Variants in ADGRB3 observed in about 807,000 individuals in gnomAD.
ADGRB3 encodes the protein brain-specific angiogenesis inhibitor 3.
Under a neutral mutation model 193.4 loss-of-function variants are expected in ADGRB3, and 37 were observed. The ratio of observed to expected loss-of-function variants is 0.19; its 90% confidence interval spans 0.15 to 0.25. The LOEUF (loss-of-function observed/expected upper bound fraction) is 0.25. Among genes scored for constraint, ADGRB3 ranks in the 10% least tolerant of loss-of-function variants. The probability of loss-of-function intolerance (pLI) is 1.00; values close to 1 mark genes in which losing one functional copy is unlikely to be tolerated. For missense variants in ADGRB3, 1,637 were observed against 1,852.9 expected, an observed-to-expected ratio of 0.88 and a Z score of 2.14; for synonymous variants, 690 against 644.2, an observed-to-expected ratio of 1.07 and a Z score of -1.08.
chr6:68,910,244 G>A (rs1480543975), intron 3 of ADGRB3, among the ~76,000 whole-genome samples: 2 of 152,114 alleles, frequency 1.3e-5, no homozygotes, highest in African/African-American at 2.4e-5. Flanking sequence ...CCCATTTGTC[G>A]ATGGGGTTGT....
intron 8 of ADGRB3, among the ~76,000 whole-genome samples, chr6:68,958,340 G>A (rs571036461): frequency 1.3e-5 from 2 of 152,180 alleles, no homozygotes; most frequent in Non-Finnish European, 1.5e-5. Context: ...CCAGTGCTGC[G>A]TAAGAAGAAT....
intron 3 of ADGRB3, among the ~76,000 whole-genome samples, chr6:68,772,244 G>A (rs1200533019): frequency 2.0e-5 from 3 of 152,078 alleles, no homozygotes; most frequent in African/African-American, 4.8e-5. Flanking sequence ...TAGGTGATAG[G>A]GATAAAGAAT....
chr6:69,151,887 G>A (rs964567122), intron 17 of ADGRB3, among the ~76,000 whole-genome samples: 2 of 152,094 alleles, frequency 1.3e-5, no homozygotes, highest in Admixed American at 6.5e-5. Flanking sequence ...CCTGGGGGTG[G>A]TTATTCTCAT....
At chr6:68,654,852 AGTC>A (rs1768454650) in intron 3 of ADGRB3, among the ~76,000 whole-genome samples, 1 of 151,820 alleles carries the variant, frequency 6.6e-6, no homozygotes, top group Non-Finnish European at 1.5e-5. Context: ...ATTCACATGA[AGTC>A]TTTGTAATCA....
At chr6:68,818,450 T>C in intron 3 of ADGRB3, among the ~76,000 whole-genome samples, 1 of 151,984 alleles carries the variant, frequency 6.6e-6, no homozygotes, top group East Asian at 1.9e-4. Context: ...TCTGGTGTGA[T>C]ATATGAAAGC....
intron 13 of ADGRB3, among the ~76,000 whole-genome samples, chr6:69,028,101 T>A (rs547701482): frequency 6.6e-6 from 1 of 152,328 alleles, no homozygotes; most frequent in East Asian, 1.9e-4. Context: ...TCTGTCATCA[T>A]CCCACCATAC....
chr6:68,909,955 G>A (rs928896254), intron 3 of ADGRB3, among the ~76,000 whole-genome samples: 1 of 152,160 alleles, frequency 6.6e-6, no homozygotes, highest in South Asian at 2.1e-4. Flanking sequence ...GGTATTTCTA[G>A]TTCTAGATCC....
chr6:68,878,066 G>T (rs1469805683), intron 3 of ADGRB3, among the ~76,000 whole-genome samples: 2 of 151,842 alleles, frequency 1.3e-5, no homozygotes, highest in African/African-American at 4.8e-5. Context: ...AATTCCTGTT[G>T]CTGTATGATT....
chr6:68,746,345 A>G (rs916176714), intron 3 of ADGRB3, among the ~76,000 whole-genome samples: 13 of 151,720 alleles, frequency 8.6e-5, no homozygotes, highest in African/African-American at 3.1e-4. Flanking sequence ...TGTATCCTTA[A>G]TTTACTTATC....
chr6:69,354,645 T>A (rs1435569915), intron 27 of ADGRB3, among the ~76,000 whole-genome samples: 2 of 152,218 alleles, frequency 1.3e-5, no homozygotes. Flanking sequence ...ATCAGAACAC[T>A]ATGAACCTGC....
intron 24 of ADGRB3, 26 bp from the exon 25 acceptor site, chr6:69,338,890 T>A (rs1259553721): frequency 6.3e-7 from 1 of 1,596,918 alleles, no homozygotes; most frequent in Admixed American, 1.8e-5. Context: ...TTTTGTTCTT[T>A]TTGTGGGTGT....
chr6:68,686,949 G>T (rs765774455), intron 3 of ADGRB3, among the ~76,000 whole-genome samples: 2 of 152,018 alleles, frequency 1.3e-5, no homozygotes, highest in Non-Finnish European at 2.9e-5. Flanking sequence ...GCTATTATAT[G>T]AATTTTAAAG....
At chr6:69,256,310 T>A (rs894997637) in intron 20 of ADGRB3, among the ~76,000 whole-genome samples, 4 of 152,078 alleles carry the variant, frequency 2.6e-5, no homozygotes, top group Non-Finnish European at 5.9e-5. Context: ...GCCATTTTCA[T>A]GATATTGATT....
At chr6:68,682,439 T>G (rs1443646982) in intron 3 of ADGRB3, among the ~76,000 whole-genome samples, 2 of 152,240 alleles carry the variant, frequency 1.3e-5, no homozygotes, top group African/African-American at 2.4e-5. Flanking sequence ...TGTAATACTT[T>G]TATTTAATTT....
chr6:68,659,733 C>A (rs1768579806), intron 3 of ADGRB3, among the ~76,000 whole-genome samples: 1 of 150,970 alleles, frequency 6.6e-6, no homozygotes, highest in Non-Finnish European at 1.5e-5. Context: ...CTAGCATTTG[C>A]ATAATTTAAC....
rs774031300 is a variant in ADGRB3, at chr6:69,330,533, A to G, written c.3063A>G (p.Leu1021=). The part of the protein sequence containing the change: ...HYCWLSLEGG[L]LYAFVGPAAA... ...GCTGGCTCTCTCTTGAAGGAGGACT[A>G]CTCTATGCTTTTGTGGGACCTGCAG... Residue 1021 remains leucine, a synonymous_variant, in exon 23 of 32, where the codon CTA becomes CTG. Transcript: ENST00000370598. The G allele has an allele frequency of 2.5e-6, 4 of 1,607,340 alleles. No individual in the cohort carries two copies. The highest frequency in any genetic ancestry group is 4.5e-5 in the East Asian group (2 of 44,688).
intron 26 of ADGRB3, among the ~76,000 whole-genome samples, chr6:69,340,415 T>C (rs1454914280): frequency 6.6e-6 from 1 of 152,186 alleles, no homozygotes; most frequent in Non-Finnish European, 1.5e-5. Flanking sequence ...CATAGTGCCA[T>C]GCTAGTCACT....
chr6:69,106,508 A>G (rs1324649805), intron 17 of ADGRB3, among the ~76,000 whole-genome samples: 2 of 152,218 alleles, frequency 1.3e-5, no homozygotes, highest in South Asian at 2.1e-4. Context: ...AAGAAAGTAA[A>G]TCACCTTTTG....
At chr6:68,871,665 T>G (rs935865107) in intron 3 of ADGRB3, among the ~76,000 whole-genome samples, 2 of 152,190 alleles carry the variant, frequency 1.3e-5, no homozygotes, top group Non-Finnish European at 2.9e-5. Context: ...TCTAAAAACA[T>G]TCTTCCATTT....
Sources: gnomAD v4.1 joint callset for allele counts (sites outside exome capture counted in the v4.1 genomes callset) on GRCh38, gnomAD v4.1.1 for gene constraint, MANE v1.5 for transcripts, NCBI Gene and HGNC (gene_info 2026-07-23, HGNC 2026-07-21) for gene names.